ANK1: variants seen among roughly 807,000 people sequenced by gnomAD.
ANK1 encodes ankyrin 1.
A neutral mutation model predicts 210.4 loss-of-function variants in ANK1; 51 were observed. The observed-to-expected ratio is 0.24, with a 90% CI of 0.19 to 0.31. The LOEUF (loss-of-function observed/expected upper bound fraction) is 0.31, where lower values mean the gene tolerates loss of function less well. Among genes scored for constraint, ANK1 ranks in the 10% least tolerant of loss-of-function variants. The pLI, the probability that ANK1 is intolerant of heterozygous loss-of-function variation, is 1.00. For missense variants in ANK1, 2,051 were observed against 2,504.4 expected, an observed-to-expected ratio of 0.82 and a Z score of 3.86; for synonymous variants, 967 against 1,025.9, an observed-to-expected ratio of 0.94 and a Z score of 1.10.
rs568551381 is a variant in ANK1 at position 41,775,192 on chromosome 8, C to T, written c.28-17055G>A. 4.6e-5 allele frequency among the ~76,000 whole-genome samples: 7 copies of T among 152,330 alleles called. No homozygotes were observed. In the South Asian group the frequency reaches 1.5e-3, roughly 32 times the overall value. ...TCTTCCTCAGCAATGAAGAAAGATT[C>T]CCACCCTTCCTTAGAAATGCAACTT... On this transcript the variant is annotated intron_variant, in intron 1 of 42. Transcript: ENST00000289734.
chr8:41,688,714 T>C, intron 33 of ANK1, 125 bp from the exon 34 acceptor site: 1 of 826,146 alleles, frequency 1.2e-6, no homozygotes, highest in Non-Finnish European at 2.1e-6. Context: ...AATCAGTCCG[T>C]TTCTTCAGGG....
chr8:41,785,556 G>C (rs902127184), intron 1 of ANK1, among the ~76,000 whole-genome samples: 3 of 152,128 alleles, frequency 2.0e-5, no homozygotes, highest in Admixed American at 1.3e-4. Flanking sequence ...GATAACTATG[G>C]GGATGAAATG....
At chr8:41,868,167 G>A (rs1469823522) in intron 1 of ANK1, among the ~76,000 whole-genome samples, 2 of 152,214 alleles carry the variant, frequency 1.3e-5, no homozygotes, top group Non-Finnish European at 2.9e-5. Flanking sequence ...CCTGAAGCAG[G>A]TTTTAATGAT....
intron 1 of ANK1, among the ~76,000 whole-genome samples, chr8:41,849,743 G>A (rs971926471): frequency 1.3e-5 from 2 of 152,182 alleles, no homozygotes; most frequent in African/African-American, 2.4e-5. Context: ...CTAACAGGAC[G>A]ATGTCTTTTC....
chr8:41,743,456 A>T (rs1302341432), intron 2 of ANK1, among the ~76,000 whole-genome samples: 1 of 152,192 alleles, frequency 6.6e-6, no homozygotes, highest in African/African-American at 2.4e-5. Flanking sequence ...CAAAACAGAA[A>T]CGAAATCAAA....
intron 1 of ANK1, among the ~76,000 whole-genome samples, chr8:41,791,025 C>G (rs1253789900): frequency 6.6e-6 from 1 of 152,080 alleles, no homozygotes; most frequent in Non-Finnish European, 1.5e-5. Flanking sequence ...GACAGCAGGA[C>G]AGAGGGCACC....
chr8:41,871,128 C>G (rs924713703), intron 1 of ANK1, among the ~76,000 whole-genome samples: 6 of 152,174 alleles, frequency 3.9e-5, no homozygotes, highest in African/African-American at 1.4e-4. Context: ...ACCCCAGGAG[C>G]TTCTGGAGGG....
chr8:41,688,825 G>A (rs1374906517), intron 33 of ANK1, among the ~76,000 whole-genome samples: 4 of 152,130 alleles, frequency 2.6e-5, no homozygotes, highest in East Asian at 3.8e-4. Context: ...GCAAGCCCAC[G>A]TCACCCCATC....
intron 1 of ANK1, among the ~76,000 whole-genome samples, chr8:41,859,466 C>T (rs1300409316): frequency 7.2e-5 from 11 of 152,198 alleles, no homozygotes; most frequent in Non-Finnish European, 1.3e-4. Context: ...CTTGCTTCAG[C>T]GTCTTGAGTA....
chr8:41,775,946 G>A (rs1323276428), intron 1 of ANK1, among the ~76,000 whole-genome samples: 1 of 152,164 alleles, frequency 6.6e-6, no homozygotes, highest in African/African-American at 2.4e-5. Context: ...AAGCATGTTA[G>A]ATGTTAACAC....
chr8:41,821,441 T>G (rs1480748012), intron 1 of ANK1, among the ~76,000 whole-genome samples: 1 of 152,154 alleles, frequency 6.6e-6, no homozygotes, highest in African/African-American at 2.4e-5. Flanking sequence ...GGACAGAGAT[T>G]GCAATATATT....
In ANK1 at chr8:41,694,040, G is replaced by A; in HGVS notation, c.3390C>T (p.Pro1130=). Residue 1130 remains proline, a synonymous_variant, in exon 29 of 43, where the codon CCC becomes CCT. Coordinates refer to ENST00000289734, the MANE Select transcript of ANK1 (RefSeq NM_000037.4). The surrounding 1 kb of genome is among the most constrained non-coding windows in gnomAD (Gnocchi z 5.7). ...GGCGCCGGGGCTCCACGGTGACAAT[G>A]GGGCTGAATGTGGCCTGGTTGCCCA... ...KLLGNQATFS[P]IVTVEPRRRK... 1 of 1,614,050 alleles carries A rather than the reference G, an allele frequency of 6.2e-7. No individual in the cohort carries two copies. The highest frequency in any genetic ancestry group is 8.5e-7 in the Non-Finnish European group (1 of 1,179,960).
At chr8:41,731,950 C>T (rs79454302) in intron 3 of ANK1, among the ~76,000 whole-genome samples, 4,437 of 152,222 alleles carry the variant, frequency 0.029, 95 homozygotes, top group South Asian at 0.048. Context: ...TTCATCCACA[C>T]GAAAAGCAGG....
chr8:41,765,123 TTCTC>T (rs914513254), intron 1 of ANK1, among the ~76,000 whole-genome samples: 24 of 151,486 alleles, frequency 1.6e-4, no homozygotes, highest in South Asian at 8.4e-4. Context: ...CCTTCTCTTT[TTCTC>T]TCTCTCTCTT....
chr8:41,741,367 G>T (rs1227127807), intron 2 of ANK1, among the ~76,000 whole-genome samples: 1 of 152,088 alleles, frequency 6.6e-6, no homozygotes, highest in East Asian at 1.9e-4. Flanking sequence ...TCTCATGGGG[G>T]CCCCGTGGAG....
intron 1 of ANK1, among the ~76,000 whole-genome samples, chr8:41,834,337 A>G (rs961447323): frequency 1.3e-5 from 2 of 152,238 alleles, no homozygotes; most frequent in African/African-American, 4.8e-5. Flanking sequence ...GGTGAGGAAG[A>G]GGCAGGAGAA....
At chr8:41,822,064 AAGAGAGAGAGAGAGAGAGAGAGAGAGAG>A in intron 1 of ANK1, among the ~76,000 whole-genome samples, 2 of 36,244 alleles carry the variant, frequency 5.5e-5, no homozygotes, top group African/African-American at 2.9e-4. Flanking sequence ...GAAAGAAAGA[AAGAGAGAGAGAGAGAGAGAGAGAGAGAG>A]AGAGAGAGAG....
Position 41,696,790 on chromosome 8 carries a change from G to C in ANK1, c.2638-17C>G. 2 of 1,593,666 alleles carry C rather than the reference G, an allele frequency of 1.3e-6. No individual in the cohort carries two copies. Among genetic ancestry groups the C allele is most frequent in the Non-Finnish European group, 8.5e-7 (1 of 1,175,460 alleles). ...TTTAGATGCCTGAGGAGAGAGAAAG[G>C]GTCCTCCTGTCCCACCTCCTCCCGG... is the stretch of plus-strand genomic sequence containing the variant. On this transcript the variant is annotated splice_polypyrimidine_tract_variant and intron_variant, in intron 24 of 42. Transcript: ENST00000289734.
chr8:41,808,177 A>G (rs536966340), intron 1 of ANK1, among the ~76,000 whole-genome samples: 87 of 152,234 alleles, frequency 5.7e-4, no homozygotes, highest in Middle Eastern at 3.4e-3. Flanking sequence ...TGCTGCACCA[A>G]CTCAGACAGC....
Sources: allele counts gnomAD v4.1 joint callset (sites outside exome capture counted in the v4.1 genomes callset), GRCh38; gene constraint gnomAD v4.1.1; non-coding constraint Gnocchi (gnomAD v3.1); transcripts MANE v1.5; gene names NCBI Gene and HGNC (gene_info 2026-07-23, HGNC 2026-07-21).